MYO6: variants seen among roughly 807,000 people sequenced by gnomAD.
MYO6 encodes myosin VI, also known as unconventional myosin-VI.
MYO6 carries 74 observed loss-of-function variants against 178.7 expected under a neutral mutation model. The observed-to-expected ratio is 0.41, with a 90% CI of 0.34 to 0.50. The LOEUF is 0.50. Among genes scored for constraint, MYO6 ranks in the 20% least tolerant of loss-of-function variants. The pLI, the probability that MYO6 is intolerant of heterozygous loss-of-function variation, is 0.09. For missense variants in MYO6, 1,330 were observed against 1,547.4 expected, an observed-to-expected ratio of 0.86 and a Z score of 2.36; for synonymous variants, 477 against 504.6, an observed-to-expected ratio of 0.95 and a Z score of 0.73.
intron 1 of MYO6, among the ~76,000 whole-genome samples, chr6:75,755,911 A>G (rs1194000861): frequency 6.6e-6 from 1 of 152,222 alleles, no homozygotes; most frequent in Non-Finnish European, 1.5e-5. Context: ...TAAAGTTGGG[A>G]AATAGGCAGT....
intron 5 of MYO6, among the ~76,000 whole-genome samples, chr6:75,830,773 T>C (rs1229182717): frequency 6.6e-6 from 1 of 152,218 alleles, no homozygotes; most frequent in Non-Finnish European, 1.5e-5. Context: ...CATCATTATC[T>C]GTGTTAAATG....
intron 33 of MYO6, 54 bp downstream of exon 33, chr6:75,911,752 T>G: frequency 6.5e-7 from 1 of 1,528,118 alleles, no homozygotes; most frequent in South Asian, 1.1e-5. Context: ...TTAAAATACT[T>G]TACAAAGTAC....
chr6:75,804,881 C>T (rs200541920), intron 1 of MYO6, among the ~76,000 whole-genome samples: 9 of 147,136 alleles, frequency 6.1e-5, no homozygotes, highest in African/African-American at 7.5e-5. Flanking sequence ...TATATATATA[C>T]ACACACACAC....
intron 1 of MYO6, among the ~76,000 whole-genome samples, chr6:75,791,660 T>C (rs1183256370): frequency 6.6e-6 from 1 of 152,208 alleles, no homozygotes; most frequent in Non-Finnish European, 1.5e-5. Context: ...AAAAAAGATA[T>C]CTTGATTTTA....
chr6:75,828,338 C>T (rs1476311313), intron 3 of MYO6, among the ~76,000 whole-genome samples: 1 of 152,090 alleles, frequency 6.6e-6, no homozygotes, highest in Non-Finnish European at 1.5e-5. Context: ...TTAAAAATAT[C>T]ACTGTAACAC....
chr6:75,904,521 G>A (rs145132761), intron 30 of MYO6, among the ~76,000 whole-genome samples: 34,627 of 151,698 alleles, frequency 0.23, 5,150 homozygotes, highest in Middle Eastern at 0.39. Context: ...TGATCGCATC[G>A]GCTCCTGAGG....
chr6:75,789,476 T>C (rs1768010131), intron 1 of MYO6, among the ~76,000 whole-genome samples: 1 of 152,200 alleles, frequency 6.6e-6, no homozygotes, highest in African/African-American at 2.4e-5. Flanking sequence ...TATACCGTAT[T>C]ATAATTTAGT....
At chr6:75,860,756 C>T (rs552468804) in intron 14 of MYO6, among the ~76,000 whole-genome samples, 36 of 152,152 alleles carry the variant, frequency 2.4e-4, no homozygotes, top group Non-Finnish European at 3.8e-4. Context: ...TTCTAAATTA[C>T]ACTTATTTTC....
At chr6:75,834,264 G>A (rs748826860) in intron 6 of MYO6, among the ~76,000 whole-genome samples, 7 of 151,082 alleles carry the variant, frequency 4.6e-5, no homozygotes, top group Non-Finnish European at 8.8e-5. Flanking sequence ...TTGCTCTGTT[G>A]CCCAGTCACC....
intron 14 of MYO6, among the ~76,000 whole-genome samples, chr6:75,860,023 T>A (rs572149461): frequency 1.3e-5 from 2 of 152,306 alleles, no homozygotes; most frequent in South Asian, 4.2e-4. Context: ...CCTTTCCCTG[T>A]CTGGCAGCAA....
chr6:75,853,874 T>G (rs1404051089), intron 11 of MYO6, among the ~76,000 whole-genome samples: 1 of 152,150 alleles, frequency 6.6e-6, no homozygotes, highest in African/African-American at 2.4e-5. Flanking sequence ...CCAGACACTA[T>G]TCCAAGCATT....
At position 75,840,579 on chromosome 6, in the gene MYO6, C is replaced by G. The variant is rs1459496499; in HGVS notation, c.554-6C>G. The G allele has an allele frequency of 6.2e-7, 1 of 1,608,866 alleles. No homozygotes were observed. Among genetic ancestry groups the G allele is most frequent in the Admixed American group, 1.7e-5 (1 of 59,982 alleles). On this transcript the variant is annotated splice_region_variant and splice_polypyrimidine_tract_variant and intron_variant, in intron 7 of 34. Coordinates refer to ENST00000369977, the MANE Select transcript of MYO6 (RefSeq NM_004999.4). ...TTTTTTGATGGATTTTTTTGTTTCT[C>G]AATAGCTAACCCACTCCTAGAAGCC...
chr6:75,824,566 G>GCACA (rs1446447625), intron 3 of MYO6, among the ~76,000 whole-genome samples: 1 of 151,462 alleles, frequency 6.6e-6, no homozygotes, highest in African/African-American at 2.4e-5. Flanking sequence ...ACACACACAT[G>GCACA]CACACACACA....
intron 11 of MYO6, among the ~76,000 whole-genome samples, chr6:75,854,435 T>G (rs150770376): frequency 1.9e-3 from 286 of 152,176 alleles, no homozygotes; most frequent in African/African-American, 6.6e-3. Flanking sequence ...AAAGTCAAGC[T>G]GTTGGAGGAA....
intron 30 of MYO6, among the ~76,000 whole-genome samples, chr6:75,906,862 AAATCTCTGTTATTTACC>A (rs1200563560): frequency 6.6e-6 from 1 of 152,054 alleles, no homozygotes; most frequent in Non-Finnish European, 1.5e-5. Context: ...GTGCCCTTTG[AAATCTCTGTTATTTACC>A]TCATGAGCTA....
At chr6:75,901,008 T>G (rs553728815) in intron 30 of MYO6, among the ~76,000 whole-genome samples, 52 of 151,964 alleles carry the variant, frequency 3.4e-4, no homozygotes, top group African/African-American at 1.2e-3. Context: ...CCCCATTGCT[T>G]GTTTTTCTCA....
chr6:75,774,735 C>T (rs935018439), intron 1 of MYO6, among the ~76,000 whole-genome samples: 16 of 152,126 alleles, frequency 1.1e-4, no homozygotes, highest in African/African-American at 3.6e-4. Flanking sequence ...CCCTTCCCCC[C>T]ACTTTTATGA....
chr6:75,828,805 C>T (rs1311251804), intron 4 of MYO6, among the ~76,000 whole-genome samples, 192 bp downstream of exon 4: 3 of 152,032 alleles, frequency 2.0e-5, no homozygotes, highest in African/African-American at 7.2e-5. Flanking sequence ...TTAAAGCATG[C>T]CTGGTACACA....
intron 29 of MYO6, among the ~76,000 whole-genome samples, chr6:75,896,087 A>T (rs1779279234): frequency 6.6e-6 from 1 of 152,134 alleles, no homozygotes; most frequent in Non-Finnish European, 1.5e-5. Context: ...TTTTGTATGT[A>T]TGTTATGTAT....
Sources: allele counts gnomAD v4.1 joint callset (sites outside exome capture counted in the v4.1 genomes callset), GRCh38; gene constraint gnomAD v4.1.1; transcripts MANE v1.5; gene names NCBI Gene and HGNC (gene_info 2026-07-23, HGNC 2026-07-21).